The following SLC7A11 variants were observed in gnomAD, a reference collection of about 807,000 sequenced individuals.
SLC7A11 encodes solute carrier family 7 member 11, also known as cystine/glutamate transporter.
A neutral mutation model predicts 54.5 loss-of-function variants in SLC7A11; 35 were observed. The ratio of observed to expected loss-of-function variants is 0.64; its 90% CI spans 0.49 to 0.85. The LOEUF is 0.85. Among genes scored for constraint, SLC7A11 ranks in the 40% least tolerant of loss-of-function variants. The probability of loss-of-function intolerance (pLI) is 0.00; values close to 1 mark genes in which losing one functional copy is unlikely to be tolerated. For synonymous variants in SLC7A11, 230 were observed against 225.2 expected (o/e 1.02, Z -0.19); for missense variants, 583 against 618.1 (o/e 0.94, Z 0.60).
Position 138,241,798 on chromosome 4 carries a change from A to G in SLC7A11, c.272T>C (p.Leu91Pro). Reference protein sequence around the residue: ...TIWTVCGVLSLFGALSYAELG... With the variant: ...TIWTVCGVLSPFGALSYAELG... Reference sequence around the variant, plus strand: ...AGAGAAAAAGTCGCACTCACCAAATAGTGACAGGACCCCACACACCGTCCA... The same window carrying G: ...AGAGAAAAAGTCGCACTCACCAAATGGTGACAGGACCCCACACACCGTCCA... Residue 91 changes from leucine to proline, a missense_variant, in exon 1 of 12, where the codon CTA (leucine) becomes CCA (proline). Transcript: ENST00000280612. 6.2e-7 allele frequency: 1 copy of G among 1,612,520 alleles called. No individual in the cohort carries two copies. Among genetic ancestry groups the G allele is most frequent in the Non-Finnish European group, 8.5e-7 (1 of 1,178,704 alleles).
chr4:138,232,906 CAA>C (rs752601931), intron 2 of SLC7A11, among the ~76,000 whole-genome samples: 9 of 151,958 alleles, frequency 5.9e-5, no homozygotes, highest in Admixed American at 1.3e-4. Context: ...GACAAAAACT[CAA>C]AGTCAAGTGA....
chr4:138,197,493 G>C (rs1737169972), intron 6 of SLC7A11, among the ~76,000 whole-genome samples: 1 of 151,996 alleles, frequency 6.6e-6, no homozygotes, highest in Non-Finnish European at 1.5e-5. Context: ...AATAAGTCAA[G>C]TTAATAAACC....
At chr4:138,222,909 T>G (rs1351152589) in intron 4 of SLC7A11, among the ~76,000 whole-genome samples, 3 of 18,238 alleles carry the variant, frequency 1.6e-4, no homozygotes. Context: ...AAGTGGCAGG[T>G]TTTTTTTTTT....
intron 9 of SLC7A11, 67 bp downstream of exon 9, chr4:138,182,230 T>A: frequency 1.0e-6 from 1 of 985,980 alleles, no homozygotes; most frequent in East Asian, 2.4e-5. Context: ...TAATGTCTGG[T>A]TGGAATTCCT....
intron 3 of SLC7A11, among the ~76,000 whole-genome samples, chr4:138,227,463 T>C (rs928800438): frequency 3.3e-5 from 5 of 152,242 alleles, no homozygotes; most frequent in Non-Finnish European, 7.3e-5. Flanking sequence ...GATATATAAA[T>C]ATAAACTTAT....
rs2148405191 is a variant in SLC7A11, at chr4:138,171,068, T to G, written c.*888A>C. ...TTGTTGGTGATTTCTCTCATGTTGATAATGTAATTTGAAGGCTTAAAATGC... is the reference window on the plus strand; with the variant it reads ...TTGTTGGTGATTTCTCTCATGTTGAGAATGTAATTTGAAGGCTTAAAATGC... On this transcript the variant is annotated 3_prime_UTR_variant, in exon 12 of 12. Coordinates refer to ENST00000280612, the MANE Select transcript of SLC7A11 (RefSeq NM_014331.4). 1 of 152,296 alleles carries G rather than the reference T, an allele frequency of 6.6e-6. No homozygotes were observed. Among genetic ancestry groups the G allele is most frequent in the Admixed American group, 6.5e-5 (1 of 15,296 alleles). The allele number at this position is 152,296 out of a possible 1,614,324, so 9.4% of individuals were successfully genotyped here. A position where few individuals can be genotyped will look rare whatever the true frequency, so the allele number is the denominator to read the frequency against.
rs1407859886 is a variant in SLC7A11, at chr4:138,185,129, C to A, written c.907G>T (p.Val303Leu). 6.2e-7 allele frequency: 1 copy of A among 1,612,812 alleles called. No homozygotes were observed. Among genetic ancestry groups the A allele is most frequent in the South Asian group, 1.1e-5 (1 of 91,068 alleles). Residue 303 changes from valine to leucine, a missense_variant, in exon 7 of 12, where the codon GTG (valine) becomes TTG (leucine). Val to Leu is a conservative substitution (Grantham distance 32). Coordinates refer to ENST00000280612, the MANE Select transcript of SLC7A11 (RefSeq NM_014331.4). The part of the protein sequence containing the change: ...NAEELLLSNA[V>L]AVTFSERLLG... ...TCCCAACTTGGACTTACCACTGCCA[C>A]TGCATTTGAAAGCAGCAGCTCCTCA... is the stretch of plus-strand genomic sequence containing the variant.
chr4:138,193,829 G>A (rs1485015408), intron 6 of SLC7A11, among the ~76,000 whole-genome samples: 1 of 151,994 alleles, frequency 6.6e-6, no homozygotes, highest in East Asian at 1.9e-4. Context: ...AGATGAGTTG[G>A]CTTTATAAAA....
chr4:138,189,095 C>G (rs567267884), intron 6 of SLC7A11, among the ~76,000 whole-genome samples: 1 of 152,140 alleles, frequency 6.6e-6, no homozygotes, highest in African/African-American at 2.4e-5. Context: ...CTACGTCACA[C>G]ATACTTGCTT....
intron 6 of SLC7A11, among the ~76,000 whole-genome samples, chr4:138,192,615 AGACTT>A (rs1305622475): frequency 6.6e-6 from 1 of 152,140 alleles, no homozygotes; most frequent in Non-Finnish European, 1.5e-5. Flanking sequence ...AGTCTATACA[AGACTT>A]AAAGTGGGTC....
At chr4:138,209,209 A>G (rs113635342) in intron 6 of SLC7A11, among the ~76,000 whole-genome samples, 524 of 152,128 alleles carry the variant, frequency 3.4e-3, no homozygotes, top group Non-Finnish European at 5.7e-3. Context: ...GGAAAATTTT[A>G]TTGTCTAGGT....
chr4:138,218,402 T>C (rs1390737370), intron 5 of SLC7A11, among the ~76,000 whole-genome samples: 1 of 152,216 alleles, frequency 6.6e-6, no homozygotes, highest in African/African-American at 2.4e-5. Flanking sequence ...AAATTTAATC[T>C]TACTACAATG....
At chr4:138,203,904 C>A (rs1737346649) in intron 6 of SLC7A11, among the ~76,000 whole-genome samples, 1 of 151,972 alleles carries the variant, frequency 6.6e-6, no homozygotes, top group Admixed American at 6.6e-5. Flanking sequence ...GTTGCTGTAT[C>A]CCCTTATCCA....
At position 138,170,289 on chromosome 4, in the gene SLC7A11, CACACAT is replaced by C. The variant is rs1402301582; in HGVS notation, c.*1661_*1666del. The C allele has an allele frequency of 9.7e-6, 1 of 103,356 alleles. No homozygotes were observed. Among genetic ancestry groups the C allele is most frequent in the Non-Finnish European group, 2.0e-5 (1 of 49,430 alleles). 6.4% of individuals were successfully genotyped at this position (103,356 alleles called of 1,614,324 possible). On this transcript the variant is annotated 3_prime_UTR_variant, in exon 12 of 12. Coordinates refer to ENST00000280612, the MANE Select transcript of SLC7A11 (RefSeq NM_014331.4). ...ATATATATACACACACACACACACA[CACACAT>C]ACACACACATATATATATATATATA...
chr4:138,209,147 T>C (rs1737481211), intron 6 of SLC7A11, among the ~76,000 whole-genome samples: 3 of 152,068 alleles, frequency 2.0e-5, no homozygotes, highest in Non-Finnish European at 2.9e-5. Context: ...TACACATTGG[T>C]ATTTTCACTA....
At chr4:138,186,654 T>C (rs1415497515) in intron 6 of SLC7A11, among the ~76,000 whole-genome samples, 2 of 152,176 alleles carry the variant, frequency 1.3e-5, no homozygotes, top group Admixed American at 1.3e-4. Context: ...TAACATGCAC[T>C]GCTAGTTGTG....
intron 6 of SLC7A11, among the ~76,000 whole-genome samples, chr4:138,188,044 T>C (rs1736918315): frequency 6.6e-6 from 1 of 152,106 alleles, no homozygotes; most frequent in Non-Finnish European, 1.5e-5. Flanking sequence ...GTAATTTCTC[T>C]ATAATTATTC....
In SLC7A11 at chr4:138,165,424, A is replaced by G. The variant is rs1407962760; in HGVS notation, c.*6532T>C. 2.0e-5 allele frequency: 3 copies of G among 152,610 alleles called. No homozygotes were observed. The highest frequency in any genetic ancestry group is 7.2e-5 in the African/African-American group (3 of 41,468). 9.5% of individuals were successfully genotyped at this position (152,610 alleles called of 1,614,324 possible). A position where few individuals can be genotyped will look rare whatever the true frequency, so the allele number is the denominator to read the frequency against. On this transcript the variant is annotated 3_prime_UTR_variant, in exon 12 of 12. Coordinates refer to ENST00000280612, the MANE Select transcript of SLC7A11 (RefSeq NM_014331.4). ...TCTTGCCTTTTTCTGACATGTGCATACTATAAAATCACAGGTAGCCAACAT... is the reference window on the plus strand; with the variant it reads ...TCTTGCCTTTTTCTGACATGTGCATGCTATAAAATCACAGGTAGCCAACAT...
At chr4:138,175,335 A>T (rs1414769885) in intron 11 of SLC7A11, among the ~76,000 whole-genome samples, 1 of 151,976 alleles carries the variant, frequency 6.6e-6, no homozygotes. Flanking sequence ...GCTGTCCTCT[A>T]TCTCTCTCCC....
Sources: gnomAD v4.1 joint callset for allele counts (sites outside exome capture counted in the v4.1 genomes callset) on GRCh38, gnomAD v4.1.1 for gene constraint, MANE v1.5 for transcripts, NCBI Gene and HGNC (gene_info 2026-07-23, HGNC 2026-07-21) for gene names.